Variants in PRKCSH observed in about 807,000 individuals in gnomAD.
The protein encoded by PRKCSH is PRKCSH beta subunit of glucosidase II, also known as glucosidase 2 subunit beta.
In PRKCSH, 42 loss-of-function variants were observed where a neutral mutation model predicts 79.7. The ratio of observed to expected loss-of-function variants is 0.53; its 90% confidence interval spans 0.41 to 0.68. The LOEUF (loss-of-function observed/expected upper bound fraction) is 0.68. PRKCSH is among the 30% of genes least tolerant of loss of function. PRKCSH has a pLI of 0.00. For synonymous variants in PRKCSH, 325 were observed against 288.2 expected, an observed-to-expected ratio of 1.13 and a Z score of -1.29; for missense variants, 686 against 709.0, an observed-to-expected ratio of 0.97 and a Z score of 0.37.
At chr19:11,443,238 C>T (rs184167128) in intron 7 of PRKCSH, among the ~76,000 whole-genome samples, 187 of 151,206 alleles carry the variant, frequency 1.2e-3, no homozygotes, top group Admixed American at 3.4e-3. Context: ...CATGGTGAAA[C>T]GCCATCTCTA....
At chr19:11,437,185 A>G (rs990205166) in intron 3 of PRKCSH, among the ~76,000 whole-genome samples, 15 of 141,622 alleles carry the variant, frequency 1.1e-4, no homozygotes, top group African/African-American at 3.2e-4. Flanking sequence ...ACAGGCACCC[A>G]CCACCACGCC....
At chr19:11,446,436 G>C (rs1262285179) in intron 9 of PRKCSH, 86 bp downstream of exon 9, 14 of 1,463,788 alleles carry the variant, frequency 9.6e-6, no homozygotes, top group Non-Finnish European at 1.2e-5. Context: ...ACCAAGGAAA[G>C]CTCCTTGCTG....
intron 7 of PRKCSH, 94 bp downstream of exon 7, chr19:11,442,609 A>G: frequency 6.5e-7 from 1 of 1,543,220 alleles, no homozygotes; most frequent in Non-Finnish European, 8.8e-7. Context: ...TGTCAGTTTC[A>G]GCAGGTTTTT....
In PRKCSH at chr19:11,446,997, G is replaced by A. The variant is rs571385580; in HGVS notation, c.763-77G>A. 6.4e-5 allele frequency: 95 copies of A among 1,495,566 alleles called. No homozygotes were observed. In the East Asian group the frequency reaches 1.7e-3, roughly 27 times the overall value. The allele number at this position is 1,495,566 out of a possible 1,614,324, so 92.6% of individuals were successfully genotyped here. A position where few individuals can be genotyped will look rare whatever the true frequency, so the allele number is the denominator to read the frequency against. The stretch of plus-strand genomic sequence containing the variant: ...GCCCAGCCCTCCCGTGCCTGGCACC[G>A]CAGCCCGGGTGCCGGGGTGGCCGAG... On this transcript the variant is annotated intron_variant, in intron 9 of 17. Coordinates refer to ENST00000677123, the MANE Select transcript of PRKCSH (RefSeq NM_001289104.2).
At chr19:11,442,744 C>T (rs917670027) in intron 7 of PRKCSH, among the ~76,000 whole-genome samples, 2 of 152,160 alleles carry the variant, frequency 1.3e-5, no homozygotes, top group Admixed American at 6.5e-5. Context: ...CTCTGCCACC[C>T]GGGCTGGAGT....
At chr19:11,443,611 G>A (rs558143488) in intron 7 of PRKCSH, among the ~76,000 whole-genome samples, 19 of 152,070 alleles carry the variant, frequency 1.2e-4, no homozygotes, top group Non-Finnish European at 2.2e-4. Context: ...TTGGGAGGCT[G>A]AGGCAGGAGA....
intron 5 of PRKCSH, among the ~76,000 whole-genome samples, chr19:11,438,524 A>C (rs963973589): frequency 5.3e-5 from 8 of 152,076 alleles, no homozygotes; most frequent in African/African-American, 1.9e-4. Flanking sequence ...TGGGAGGCTG[A>C]GGCAGGCGGA....
chr19:11,445,433 G>C lies in PRKCSH; in HGVS notation c.643G>C (p.Ala215Pro), dbSNP rs1970249798. 6.2e-7 allele frequency: 1 copy of C among 1,613,942 alleles called. No individual in the cohort carries two copies. The highest frequency in any genetic ancestry group is 8.5e-7 in the Non-Finnish European group (1 of 1,180,032). The change falls in exon 8 of 18, where the codon GCT becomes CCT. Residue 215 changes from alanine to proline, a missense_variant. By Grantham distance (27) the Ala-to-Pro change is conservative. Transcript: ENST00000677123. Reference sequence around the variant, plus strand: ...GGCCCAACAGGAGCAGGAGCTGGCGGCTGATGCCTTCAAGGAGCTGGATGA... The same window carrying C: ...GGCCCAACAGGAGCAGGAGCTGGCGCCTGATGCCTTCAAGGAGCTGGATGA... ...AKAQQEQELA[A>P]DAFKELDDDM...
At chr19:11,445,561 C>A (rs1380493422) in intron 8 of PRKCSH, 88 bp downstream of exon 8, 2 of 1,329,930 alleles carry the variant, frequency 1.5e-6, no homozygotes, top group Non-Finnish European at 2.1e-6. Flanking sequence ...CCAGCCAGAT[C>A]CTCCTTGGGT....
At chr19:11,442,585 C>T (rs907008211) in intron 7 of PRKCSH, 70 bp downstream of exon 7, 83 of 1,571,770 alleles carry the variant, frequency 5.3e-5, no homozygotes, top group South Asian at 4.2e-4. Context: ...AGGAGTCTCC[C>T]GCTCATTATC....
At chr19:11,440,354 G>A (rs1457200384) in intron 5 of PRKCSH, among the ~76,000 whole-genome samples, 1 of 151,404 alleles carries the variant, frequency 6.6e-6, no homozygotes, top group African/African-American at 2.4e-5. Context: ...GGGTTTCACC[G>A]TGTTAGCCCG....
intron 8 of PRKCSH, 194 bp downstream of exon 8, chr19:11,445,667 A>G: frequency 1.5e-6 from 1 of 652,054 alleles, no homozygotes; most frequent in East Asian, 2.8e-5. Context: ...GCGAGGAGAT[A>G]GGGGGACCAC....
At position 11,436,028 on chromosome 19, in the gene PRKCSH, T is replaced by C; in HGVS notation, c.-77-13T>C. ...CCCTCTCCCACTGACCGGGATCCGCTTTCTTCCTGCAGCGTGAAGACACAG... is the reference window on the plus strand; with the variant it reads ...CCCTCTCCCACTGACCGGGATCCGCCTTCTTCCTGCAGCGTGAAGACACAG... On this transcript the variant is annotated splice_polypyrimidine_tract_variant and intron_variant, in intron 1 of 17. Transcript: ENST00000677123. 2 of 1,552,120 alleles carry C rather than the reference T, an allele frequency of 1.3e-6. No homozygotes were observed. Among genetic ancestry groups the C allele is most frequent in the Non-Finnish European group, 1.8e-6 (2 of 1,137,666 alleles).
At chr19:11,441,580 G>A (rs1568364331) in intron 6 of PRKCSH, among the ~76,000 whole-genome samples, 3 of 152,246 alleles carry the variant, frequency 2.0e-5, no homozygotes, top group African/African-American at 7.2e-5. Context: ...TCAGGGCCTC[G>A]GGCATCAGAC....
chr19:11,440,821 G>C lies in PRKCSH; in HGVS notation c.351-419G>C, dbSNP rs116314214. Among the ~76,000 whole-genome samples the C allele has an allele frequency of 7.1e-3, 1,085 of 152,074 alleles. 10 individuals carry two copies. The highest frequency in any genetic ancestry group is 0.025 in the African/African-American group (1,029 of 41,462). The stretch of plus-strand genomic sequence containing the variant: ...CATGATTTCTGTTCTGTCTTCTGTG[G>C]TTTTTTTATTTGTTTTAATTATGTG... On this transcript the variant is annotated intron_variant, in intron 5 of 17. Coordinates refer to ENST00000677123, the MANE Select transcript of PRKCSH (RefSeq NM_001289104.2).
In PRKCSH at chr19:11,447,641, G is replaced by C; in HGVS notation, c.1029+23G>C. ...AAGGTCCGTGTTTGGGGGAGAAGTGGAGACAGAGAGGGTGGGGGAAGGGCT... is the reference window on the plus strand; with the variant it reads ...AAGGTCCGTGTTTGGGGGAGAAGTGCAGACAGAGAGGGTGGGGGAAGGGCT... On this transcript the variant is annotated intron_variant, in intron 11 of 17. Coordinates refer to ENST00000677123, the MANE Select transcript of PRKCSH (RefSeq NM_001289104.2). The surrounding 1 kb of genome is among the most constrained non-coding windows in gnomAD (Gnocchi z 5.6). 1.9e-6 allele frequency: 3 copies of C among 1,573,156 alleles called. No individual in the cohort carries two copies. Among genetic ancestry groups the C allele is most frequent in the Non-Finnish European group, 2.6e-6 (3 of 1,159,150 alleles).
chr19:11,450,336 G>T (rs1970550220), intron 17 of PRKCSH: 1 of 151,458 alleles, frequency 6.6e-6, no homozygotes, highest in East Asian at 2.0e-4. Context: ...AATTAGCTGG[G>T]TGTGGTGGTA....
In PRKCSH at chr19:11,447,714, C is replaced by A; in HGVS notation, c.1051C>A (p.Pro351Thr). 1 of 1,586,392 alleles carries A rather than the reference C, an allele frequency of 6.3e-7. No homozygotes were observed. Among genetic ancestry groups the A allele is most frequent in the Non-Finnish European group, 8.6e-7 (1 of 1,166,298 alleles). ...QPKEAPPPLS[P>T]PQPASPAEED... ...CCAGGAGGCCCCACCGCCACTGTCA[C>A]CCCCGCAGCCGGCCAGCCCTGCTGA... Residue 351 changes from proline to threonine, a missense_variant, in exon 12 of 18, where the codon CCC (proline) becomes ACC (threonine). Physicochemically the swap from Pro to Thr is conservative, Grantham distance 38. This residue lies in a region of PRKCSH where 549 missense variants were observed against 520.2 expected (regional missense o/e 1.06). Transcript: ENST00000677123. This position sits in a 1 kb window ranked among gnomAD's most constrained non-coding sequence, Gnocchi z 5.6.
At position 11,447,855 on chromosome 19, in the gene PRKCSH, C is replaced by A; in HGVS notation, c.1126+66C>A. On this transcript the variant is annotated intron_variant, in intron 12 of 17. Transcript: ENST00000677123. The surrounding 1 kb of genome is among the most constrained non-coding windows in gnomAD (Gnocchi z 5.6). The stretch of plus-strand genomic sequence containing the variant: ...CGTTTCCTGCCGTGGTGGCACAGGT[C>A]GAGGGAAGATCCTGAGCTTAGACCC... 6.8e-7 allele frequency: 1 copy of A among 1,467,498 alleles called. No homozygotes were observed. The highest frequency in any genetic ancestry group is 1.3e-5 in the South Asian group (1 of 75,352). The allele number at this position is 1,467,498 out of a possible 1,614,324, so 90.9% of individuals were successfully genotyped here.
Sources: allele counts gnomAD v4.1 joint callset (sites outside exome capture counted in the v4.1 genomes callset), GRCh38; gene constraint gnomAD v4.1.1; regional missense constraint gnomAD v4.1.1; non-coding constraint Gnocchi (gnomAD v3.1); transcripts MANE v1.5; gene names NCBI Gene and HGNC (gene_info 2026-07-23, HGNC 2026-07-21).